The following CCNY variants were observed in gnomAD, a reference collection of about 807,000 sequenced individuals.
CCNY encodes the protein cyclin-Y.
In CCNY, 19 loss-of-function variants were observed where a neutral mutation model predicts 42.8. That is an observed-to-expected ratio of 0.44 (90% CI 0.31 to 0.65). The LOEUF (loss-of-function observed/expected upper bound fraction) is 0.65, where lower values mean the gene tolerates loss of function less well. Ranked by LOEUF, CCNY falls within the 30% of genes least tolerant of loss-of-function variation. The pLI is 0.07. For missense variants in CCNY, 370 were observed against 437.3 expected, an observed-to-expected ratio of 0.85 and a Z score of 1.37; for synonymous variants, 165 against 162.7, an observed-to-expected ratio of 1.01 and a Z score of -0.11.
chr10:35,337,043 G>T lies in CCNY; in HGVS notation c.-11G>T, dbSNP rs1397678564. ...AACAGGATAGCAGCAGGAGTCGGGG[G>T]GCCGCCGAAGATGGGGAACACTACC... On this transcript the variant is annotated 5_prime_UTR_variant, in exon 1 of 10. Coordinates refer to ENST00000374704, the MANE Select transcript of CCNY (RefSeq NM_145012.6). 1 of 1,554,184 alleles carries T rather than the reference G, an allele frequency of 6.4e-7. No individual in the cohort carries two copies. Among genetic ancestry groups the T allele is most frequent in the Non-Finnish European group, 8.7e-7 (1 of 1,149,806 alleles).
At chr10:35,481,989 T>C (rs755783281) in intron 1 of CCNY, among the ~76,000 whole-genome samples, 2 of 152,214 alleles carry the variant, frequency 1.3e-5, no homozygotes, top group African/African-American at 2.4e-5. Context: ...TAACAGAAGT[T>C]ATATAATACA....
At chr10:35,446,005 A>C (rs1838782645) in intron 1 of CCNY, among the ~76,000 whole-genome samples, 1 of 152,208 alleles carries the variant, frequency 6.6e-6, no homozygotes, top group African/African-American at 2.4e-5. Flanking sequence ...TCATAAGAAA[A>C]GTCGTTGGGC....
intron 1 of CCNY, among the ~76,000 whole-genome samples, chr10:35,383,066 G>A (rs550115740): frequency 2.6e-5 from 4 of 152,004 alleles, no homozygotes; most frequent in Non-Finnish European, 5.9e-5. Context: ...GCAATATTTC[G>A]GGATGCAAAA....
intron 3 of CCNY, among the ~76,000 whole-genome samples, chr10:35,268,085 C>A (rs989633421): frequency 1.3e-5 from 2 of 152,010 alleles, no homozygotes; most frequent in Non-Finnish European, 2.9e-5. Context: ...CCACTACACC[C>A]GGCTAATTTT....
chr10:35,552,320 G>A (rs1841275554), intron 7 of CCNY, among the ~76,000 whole-genome samples: 1 of 152,216 alleles, frequency 6.6e-6, no homozygotes, highest in Non-Finnish European at 1.5e-5. Flanking sequence ...AGAGTAGTCA[G>A]ATTCATAGAG....
chr10:35,247,103 CG>C, exon 1 of CCNY: 1 of 153,616 alleles, frequency 6.5e-6, no homozygotes, highest in Non-Finnish European at 1.4e-5. Flanking sequence ...GGGGCTTGTC[CG>C]GGGACAGCAG....
intron 3 of CCNY, among the ~76,000 whole-genome samples, chr10:35,270,256 G>T (rs1359908561): frequency 7.9e-5 from 12 of 152,144 alleles, no homozygotes; most frequent in Non-Finnish European, 5.9e-5. Flanking sequence ...TCCCATTCAT[G>T]AGGGTTTGCT....
intron 3 of CCNY, among the ~76,000 whole-genome samples, chr10:35,293,624 A>G (rs924152770): frequency 1.3e-5 from 2 of 152,130 alleles, no homozygotes; most frequent in Non-Finnish European, 2.9e-5. Context: ...TACTTAGATC[A>G]TCTTTAATTT....
At chr10:35,406,864 C>T (rs1470791620) in intron 1 of CCNY, among the ~76,000 whole-genome samples, 1 of 148,164 alleles carries the variant, frequency 6.7e-6, no homozygotes, top group Non-Finnish European at 1.5e-5. Flanking sequence ...GGGGGCTGAC[C>T]CCCCCCCACC....
chr10:35,250,528 C>G (rs951212896), exon 3 of CCNY: 1 of 152,214 alleles, frequency 6.6e-6, no homozygotes, highest in African/African-American at 2.4e-5. Context: ...CTAGAACTGC[C>G]GGGTGAAAAT....
rs375111298 is a variant in CCNY at position 35,559,881 on chromosome 10, G to C, written c.747-6142G>C. Among the ~76,000 whole-genome samples the C allele has an allele frequency of 7.2e-5, 11 of 152,362 alleles. No homozygotes were observed. In the East Asian group the frequency reaches 1.9e-3, roughly 27 times the overall value. ...TAGGCCAAGGCAGGGCTGCCTACCTGGGGGTGGGTGATGGCGCATCAGCAG... is the reference window on the plus strand; with the variant it reads ...TAGGCCAAGGCAGGGCTGCCTACCTCGGGGTGGGTGATGGCGCATCAGCAG... On this transcript the variant is annotated intron_variant, in intron 8 of 9. Coordinates refer to ENST00000374704, the MANE Select transcript of CCNY (RefSeq NM_145012.6).
At chr10:35,369,614 C>T (rs1481578062) in intron 1 of CCNY, among the ~76,000 whole-genome samples, 1 of 152,078 alleles carries the variant, frequency 6.6e-6, no homozygotes, top group Non-Finnish European at 1.5e-5. Flanking sequence ...GTTTATCTTG[C>T]CTGAGATTAT....
chr10:35,316,257 T>C (rs114400564), intron 3 of CCNY: 1,705 of 152,240 alleles, frequency 0.011, 24 homozygotes, highest in East Asian at 0.055. Flanking sequence ...ACAGAGCAGG[T>C]GTTTAACCTG....
At chr10:35,553,955 G>C (rs981718171) in intron 8 of CCNY, among the ~76,000 whole-genome samples, 2 of 152,202 alleles carry the variant, frequency 1.3e-5, no homozygotes, top group Non-Finnish European at 2.9e-5. Context: ...CAATCAGATA[G>C]CACTACTTGA....
At chr10:35,273,893 C>T (rs1260291830) in intron 3 of CCNY, among the ~76,000 whole-genome samples, 2 of 152,138 alleles carry the variant, frequency 1.3e-5, no homozygotes, top group Admixed American at 1.3e-4. Flanking sequence ...TGCACAGAAG[C>T]CAGGACCTGT....
At chr10:35,497,462 G>C (rs1368602352) in intron 2 of CCNY, among the ~76,000 whole-genome samples, 4 of 152,156 alleles carry the variant, frequency 2.6e-5, no homozygotes, top group Non-Finnish European at 5.9e-5. Flanking sequence ...TTATCACTGG[G>C]TGTGGTGGTT....
chr10:35,337,260 G>GCCA, intron 1 of CCNY, 53 bp downstream of exon 1: 1 of 1,420,778 alleles, frequency 7.0e-7, no homozygotes, highest in Non-Finnish European at 9.3e-7. Flanking sequence ...CAGTCGCACA[G>GCCA]CCAACGTCGG....
intron 1 of CCNY, among the ~76,000 whole-genome samples, chr10:35,418,047 G>T (rs1041190443): frequency 6.6e-6 from 1 of 152,234 alleles, no homozygotes; most frequent in Non-Finnish European, 1.5e-5. Context: ...AAAGCTTGAG[G>T]ATAAGACTTT....
At chr10:35,389,388 T>C (rs1431315519) in intron 1 of CCNY, among the ~76,000 whole-genome samples, 1 of 152,116 alleles carries the variant, frequency 6.6e-6, no homozygotes, top group Non-Finnish European at 1.5e-5. Context: ...AAGGGAACTC[T>C]TTCAACTCCC....
Sources: gnomAD v4.1 joint callset for allele counts (sites outside exome capture counted in the v4.1 genomes callset) on GRCh38, gnomAD v4.1.1 for gene constraint, MANE v1.5 for transcripts, NCBI Gene and HGNC (gene_info 2026-07-23, HGNC 2026-07-21) for gene names.